Variants in DRC4 observed in about 807,000 individuals in gnomAD.
The protein encoded by DRC4 is GAS-11.
At chr16:90,035,747 G>T in the DRC4 span, 50 of 1,614,082 alleles carry the variant, frequency 3.1e-5, no homozygotes, top group Non-Finnish European at 3.9e-5. Context: ...CATCAGAGAG[G>T]AATTTACCTC....
the DRC4 span, chr16:90,031,620 GT>G: frequency 2.8e-6 from 3 of 1,081,514 alleles, no homozygotes; most frequent in South Asian, 1.7e-5. Flanking sequence ...CCTTAAAGGT[GT>G]TTTTTATAAA....
At chr16:90,019,766 C>T in the DRC4 span, 129 of 689,862 alleles carry the variant, frequency 1.9e-4, 1 homozygote, top group Non-Finnish European at 2.4e-4. The surrounding 1 kb of genome is among the most constrained non-coding windows in gnomAD (Gnocchi z 6.1). Context: ...TGTTCTCTTC[C>T]AGGTACTTGC....
chr16:90,043,239 C>T, the DRC4 span: 2 of 1,613,676 alleles, frequency 1.2e-6, no homozygotes, highest in Non-Finnish European at 8.5e-7. Flanking sequence ...AAGCTGCTGG[C>T]CTTCGGGATC....
the DRC4 span, chr16:90,020,167 C>A: frequency 1.9e-6 from 1 of 524,914 alleles, no homozygotes; most frequent in Non-Finnish European, 3.4e-6. Flanking sequence ...GTAAGTACTT[C>A]AATATTTATC....
At chr16:90,042,670 G>A in the DRC4 span, 44,162 of 711,590 alleles carry the variant, frequency 0.062, 1,674 homozygotes, top group Non-Finnish European at 0.079. Flanking sequence ...CTGTCCCCAC[G>A]TGAGGGTGCA....
chr16:90,044,164 G>A, the DRC4 span: 16 of 454,986 alleles, frequency 3.5e-5, no homozygotes, highest in Admixed American at 3.3e-4. Flanking sequence ...GCGCTTCTGC[G>A]GCGGCTCCAG....
At chr16:90,027,006 G>A in the DRC4 span, among the ~76,000 whole-genome samples, 1 of 151,758 alleles carries the variant, frequency 6.6e-6, no homozygotes, top group African/African-American at 2.4e-5. Flanking sequence ...TCTGCCTCCC[G>A]GGTTCAAGCG....
chr16:90,042,382 C>G, the DRC4 span: 1 of 1,055,466 alleles, frequency 9.5e-7, no homozygotes, highest in Non-Finnish European at 1.5e-6. Flanking sequence ...CGCTGGATCT[C>G]TCAGAACGCC....
chr16:90,044,866 A>G, the DRC4 span: 2 of 247,644 alleles, frequency 8.1e-6, no homozygotes, highest in South Asian at 8.7e-5. Context: ...TTATCCCATG[A>G]GCAAGAACCA....
the DRC4 span, among the ~76,000 whole-genome samples, chr16:90,034,944 C>A: frequency 8.7e-6 from 1 of 114,642 alleles, no homozygotes; most frequent in Non-Finnish European, 1.7e-5. Flanking sequence ...GCTCTTGTTG[C>A]CCAGGCTGGA....
At chr16:90,038,779 A>G in the DRC4 span, among the ~76,000 whole-genome samples, 5 of 152,164 alleles carry the variant, frequency 3.3e-5, no homozygotes, top group Non-Finnish European at 7.3e-5. Flanking sequence ...AGTGAGTGGT[A>G]GGGGTGCTCG....
chr16:90,041,353 G>A, the DRC4 span, among the ~76,000 whole-genome samples: 2 of 152,220 alleles, frequency 1.3e-5, no homozygotes, highest in Non-Finnish European at 2.9e-5. Context: ...TGAGGGGGCT[G>A]CTGTGTCAGT....
At chr16:90,036,544 C>G in the DRC4 span, 6 of 1,603,080 alleles carry the variant, frequency 3.7e-6, no homozygotes, top group East Asian at 6.7e-5. Flanking sequence ...ACTACTACAA[C>G]GACATCACCC....
the DRC4 span, among the ~76,000 whole-genome samples, chr16:90,021,433 A>G: frequency 6.7e-6 from 1 of 148,414 alleles, no homozygotes; most frequent in African/African-American, 2.5e-5. Flanking sequence ...TTTTTTTGAG[A>G]CAGGGTCTCA....
At chr16:90,037,344 T>C in the DRC4 span, 1 of 1,613,986 alleles carries the variant, frequency 6.2e-7, no homozygotes, top group Non-Finnish European at 8.5e-7. Context: ...CGGGAGGAGA[T>C]GAGCGAGATG....
the DRC4 span, among the ~76,000 whole-genome samples, chr16:90,041,673 G>A: frequency 1.9e-3 from 291 of 152,038 alleles, 3 homozygotes; most frequent in Admixed American, 0.016. Flanking sequence ...GCTTGGTGGC[G>A]GGTGTAATCC....
At chr16:90,026,315 C>A in the DRC4 span, among the ~76,000 whole-genome samples, 1 of 152,126 alleles carries the variant, frequency 6.6e-6, no homozygotes, top group African/African-American at 2.4e-5. Context: ...TTAGAAGGTT[C>A]TCTCCCATCC....
chr16:90,031,283 C>T, the DRC4 span: 3 of 1,611,160 alleles, frequency 1.9e-6, no homozygotes, highest in Non-Finnish European at 2.5e-6. Context: ...TCACCTGACC[C>T]ACTGCACCTG....
At chr16:90,039,495 C>G in the DRC4 span, among the ~76,000 whole-genome samples, 1 of 151,778 alleles carries the variant, frequency 6.6e-6, no homozygotes, top group Non-Finnish European at 1.5e-5. Flanking sequence ...AAGTGATACT[C>G]CTGCCTCGGC....
Sources: allele counts gnomAD v4.1 joint callset (sites outside exome capture counted in the v4.1 genomes callset), GRCh38; gene constraint gnomAD v4.1.1; non-coding constraint Gnocchi (gnomAD v3.1); transcripts MANE v1.5; gene names NCBI Gene and HGNC (gene_info 2026-07-23, HGNC 2026-07-21).